The following SOX5 variants were observed in gnomAD, a reference collection of about 807,000 sequenced individuals.
SOX5 encodes transcription factor SOX-5.
In SOX5, 9 loss-of-function variants were observed where a neutral mutation model predicts 92.0. That is an observed-to-expected ratio of 0.10 (90% CI 0.06 to 0.17). The LOEUF (loss-of-function observed/expected upper bound fraction) is 0.17. Among genes scored for constraint, SOX5 ranks in the 10% least tolerant of loss-of-function variants. SOX5 has a pLI of 1.00. For synonymous variants in SOX5, 344 were observed against 336.3 expected (o/e 1.02, Z -0.25); for missense variants, 642 against 944.5 (o/e 0.68, Z 4.20).
intron 4 of SOX5, among the ~76,000 whole-genome samples, chr12:24,189,040 G>A (rs111334406): frequency 2.6e-5 from 4 of 152,222 alleles, no homozygotes; most frequent in Admixed American, 6.5e-5. Context: ...TAAACTGAAT[G>A]CCCTATCTCA....
At chr12:24,509,448 C>CA (rs1949104686) in intron 1 of SOX5, among the ~76,000 whole-genome samples, 1 of 151,846 alleles carries the variant, frequency 6.6e-6, no homozygotes, top group Non-Finnish European at 1.5e-5. Flanking sequence ...GCATTAAAGG[C>CA]AAAAAAACCA....
rs575856593 is a variant in SOX5, at chr12:24,190,476, C to T, written c.-2+22867G>A. Among the ~76,000 whole-genome samples the T allele has an allele frequency of 7.2e-5, 11 of 152,274 alleles. No individual in the cohort carries two copies. The South Asian group carries it at 2.3e-3, about 32-fold the overall frequency. ...GAAAGCCCTGTCCGATTGCTCTTTT[C>T]CTATATGATGGAACTGTGGCAAGAT... is the stretch of plus-strand genomic sequence containing the variant. On this transcript the variant is annotated intron_variant, in intron 4 of 4. Coordinates refer to the SOX5 transcript ENST00000446891.
In SOX5 at chr12:23,740,716, T is replaced by C. The variant is rs1272628020; in HGVS notation, c.741+151A>G. The C allele has an allele frequency of 8.2e-6, 5 of 612,480 alleles. No individual in the cohort carries two copies. The Admixed American group carries it at 1.4e-4, about 17-fold the overall frequency. The allele number at this position is 612,480 out of a possible 1,614,324, so 37.9% of individuals were successfully genotyped here. A position where few individuals can be genotyped will look rare whatever the true frequency, so the allele number is the denominator to read the frequency against. ...CGGGTTTTGTCTGTGGGTGGGTTTT[T>C]GTTTTGTTTTGCTTTTTTGGCCTTT... On this transcript the variant is annotated intron_variant, in intron 5 of 14. Coordinates refer to ENST00000451604, the MANE Select transcript of SOX5 (RefSeq NM_006940.6).
At chr12:23,989,743 C>A (rs1426257648) in intron 4 of SOX5, among the ~76,000 whole-genome samples, 2 of 152,052 alleles carry the variant, frequency 1.3e-5, no homozygotes, top group Non-Finnish European at 2.9e-5. Context: ...AGGCAGTCTG[C>A]AACACTTAAG....
At chr12:23,618,309 G>A (rs1260874450) in intron 8 of SOX5, among the ~76,000 whole-genome samples, 2 of 152,224 alleles carry the variant, frequency 1.3e-5, no homozygotes, top group Admixed American at 1.3e-4. Flanking sequence ...GGTATTATGA[G>A]AATTACAGTA....
At chr12:23,804,916 TATATATATATATATATA>T (rs2095736284) in intron 3 of SOX5, among the ~76,000 whole-genome samples, 3 of 3,302 alleles carry the variant, frequency 9.1e-4, no homozygotes, top group Admixed American at 3.1e-3. Flanking sequence ...ATCATTGTTT[TATATATATATATATATA>T]TATATATATA....
In SOX5 at chr12:24,179,059, A is replaced by C. The variant is rs374959361; in HGVS notation, c.-2+34284T>G. On this transcript the variant is annotated intron_variant, in intron 4 of 4. Coordinates refer to the SOX5 transcript ENST00000446891. The stretch of plus-strand genomic sequence containing the variant: ...AGAAATGGTTGGTCACATAAAAATG[A>C]TATCAGCGGGCTTGTTACCTCTAAT... Among the ~76,000 whole-genome samples the C allele has an allele frequency of 4.6e-5, 7 of 152,372 alleles. No homozygotes were observed. The South Asian group carries it at 6.2e-4, about 14-fold the overall frequency.
intron 11 of SOX5, among the ~76,000 whole-genome samples, chr12:23,557,793 G>A (rs1227806273): frequency 6.6e-6 from 1 of 152,072 alleles, no homozygotes; most frequent in Non-Finnish European, 1.5e-5. Context: ...GGCGACCATG[G>A]TGAAACCTTG....
chr12:23,759,046 C>CAG (rs1421986002), intron 3 of SOX5, among the ~76,000 whole-genome samples: 2 of 151,302 alleles, frequency 1.3e-5, no homozygotes, highest in African/African-American at 4.9e-5. Flanking sequence ...CACACACACA[C>CAG]ACACACACAC....
At chr12:23,722,868 A>C (rs895874818) in intron 6 of SOX5, among the ~76,000 whole-genome samples, 1 of 152,146 alleles carries the variant, frequency 6.6e-6, no homozygotes, top group Non-Finnish European at 1.5e-5. Flanking sequence ...TACAAAGCGC[A>C]ATCAGTTTGG....
chr12:23,766,036 G>A (rs1373836780), intron 3 of SOX5, among the ~76,000 whole-genome samples: 4 of 152,036 alleles, frequency 2.6e-5, no homozygotes, highest in Non-Finnish European at 4.4e-5. Flanking sequence ...ATTTATTGAC[G>A]CAAAATTAGA....
chr12:24,168,981 T>C (rs1175809512), intron 4 of SOX5, among the ~76,000 whole-genome samples: 11 of 151,882 alleles, frequency 7.2e-5, no homozygotes. Context: ...AAAAAAATAA[T>C]AATAAGATAG....
chr12:24,189,487 T>A (rs1261947712), intron 4 of SOX5, among the ~76,000 whole-genome samples: 1 of 152,162 alleles, frequency 6.6e-6, no homozygotes, highest in Non-Finnish European at 1.5e-5. Context: ...AATGAGTAGA[T>A]AGTTTCCAAG....
chr12:24,027,949 G>A (rs770267850), intron 4 of SOX5, among the ~76,000 whole-genome samples: 6 of 151,812 alleles, frequency 4.0e-5, no homozygotes, highest in Non-Finnish European at 8.8e-5. Context: ...TTCTCCAATC[G>A]GGTTCCTCCT....
intron 10 of SOX5, among the ~76,000 whole-genome samples, chr12:23,568,559 T>C (rs1015199056): frequency 6.6e-6 from 1 of 152,150 alleles, no homozygotes; most frequent in Admixed American, 6.5e-5. Flanking sequence ...GTCCCATGAG[T>C]ACCTGATATG....
At chr12:24,212,088 G>A (rs924140933) in intron 4 of SOX5, among the ~76,000 whole-genome samples, 23 of 152,182 alleles carry the variant, frequency 1.5e-4, no homozygotes, top group South Asian at 1.0e-3. Context: ...TTACTTTGGC[G>A]TATCATTTTA....
At chr12:24,161,691 A>G (rs1952770199) in intron 4 of SOX5, among the ~76,000 whole-genome samples, 1 of 152,134 alleles carries the variant, frequency 6.6e-6, no homozygotes, top group African/African-American at 2.4e-5. Context: ...AGACAATTTA[A>G]AAGTCATGGC....
intron 1 of SOX5, among the ~76,000 whole-genome samples, chr12:23,911,559 A>G (rs578155562): frequency 6.6e-6 from 1 of 152,108 alleles, no homozygotes; most frequent in Admixed American, 6.6e-5. Context: ...TTAATAACAT[A>G]TAATGATTAA....
At chr12:23,996,606 C>T (rs909783096) in intron 4 of SOX5, among the ~76,000 whole-genome samples, 2 of 152,072 alleles carry the variant, frequency 1.3e-5, no homozygotes, top group African/African-American at 4.8e-5. Flanking sequence ...TATATATGCA[C>T]AATGGAATAT....
Sources: gnomAD v4.1 joint callset for allele counts (sites outside exome capture counted in the v4.1 genomes callset) on GRCh38, gnomAD v4.1.1 for gene constraint, MANE v1.5 for transcripts, NCBI Gene and HGNC (gene_info 2026-07-23, HGNC 2026-07-21) for gene names.